The following HECW1 variants were observed in gnomAD, a reference collection of about 807,000 sequenced individuals.
HECW1 encodes E3 ubiquitin-protein ligase HECW1.
In HECW1, 61 loss-of-function variants were observed where a neutral mutation model predicts 182.3. The ratio of observed to expected loss-of-function variants is 0.33; its 90% confidence interval spans 0.27 to 0.41. HECW1 has a LOEUF of 0.41. Among genes scored for constraint, HECW1 ranks in the 10% least tolerant of loss-of-function variants. The pLI is 1.00. For synonymous variants in HECW1, 859 were observed against 832.6 expected (o/e 1.03, Z -0.55); for missense variants, 1,739 against 2,108.9 (o/e 0.82, Z 3.44).
At chr7:43,181,829 C>T (rs6943501) in intron 2 of HECW1, among the ~76,000 whole-genome samples, 37,489 of 150,148 alleles carry the variant, frequency 0.25, 5,664 homozygotes, top group African/African-American at 0.28. Context: ...ACTCTGTCGC[C>T]CAGGCTGGAG....
At chr7:43,468,899 G>A (rs376564881) in intron 15 of HECW1, 21 bp from the exon 16 acceptor site, 279 of 1,612,818 alleles carry the variant, frequency 1.7e-4, no homozygotes, top group African/African-American at 6.5e-4. Flanking sequence ...TCCTTACCCC[G>A]TCCGCCCTGA....
chr7:43,421,908 T>C (rs1369924288), intron 8 of HECW1, among the ~76,000 whole-genome samples: 5 of 152,210 alleles, frequency 3.3e-5, no homozygotes, highest in Non-Finnish European at 7.3e-5. Context: ...TGGACCAGCC[T>C]GAGGCATGAA....
intron 17 of HECW1, among the ~76,000 whole-genome samples, chr7:43,489,138 G>A (rs372722268): frequency 1.1e-4 from 16 of 152,178 alleles, no homozygotes; most frequent in East Asian, 5.8e-4. Context: ...AATGTTTCCT[G>A]AGTCCAGTGC....
intron 2 of HECW1, among the ~76,000 whole-genome samples, chr7:43,232,940 A>G (rs548517820): frequency 6.6e-6 from 1 of 152,258 alleles, no homozygotes; most frequent in East Asian, 1.9e-4. Flanking sequence ...CATGACACTC[A>G]TGCTTTTTAA....
intron 26 of HECW1, among the ~76,000 whole-genome samples, chr7:43,547,278 G>A (rs2081600905): frequency 6.6e-6 from 1 of 152,102 alleles, no homozygotes; most frequent in Admixed American, 6.6e-5. Flanking sequence ...GCCAGGCATG[G>A]TGGCTCATGC....
At chr7:43,221,710 C>A (rs531648983) in intron 2 of HECW1, among the ~76,000 whole-genome samples, 37 of 151,696 alleles carry the variant, frequency 2.4e-4, no homozygotes, top group African/African-American at 8.9e-4. Context: ...CCCACCACCA[C>A]GCCCGGCTAA....
chr7:43,144,031 T>C (rs980421917), intron 2 of HECW1, among the ~76,000 whole-genome samples: 1 of 152,226 alleles, frequency 6.6e-6, no homozygotes, highest in African/African-American at 2.4e-5. Context: ...AAGTCTGGCA[T>C]GTTCCAGGAT....
At position 43,320,885 on chromosome 7, in the gene HECW1, A is replaced by C. The variant is rs1810027896; in HGVS notation, c.460+143A>C. 5.8e-6 allele frequency: 4 copies of C among 683,948 alleles called. No individual in the cohort carries two copies. In the Admixed American group the frequency reaches 9.3e-5, roughly 16 times the overall value. The allele number at this position is 683,948 out of a possible 1,614,324, so 42.4% of individuals were successfully genotyped here. A position where few individuals can be genotyped will look rare whatever the true frequency, so the allele number is the denominator to read the frequency against. ...GTGTAGATTTAAAGAGATCCTTAAAAAGATGTTCAGTAGTAAGTGGTGAGG... is the reference window on the plus strand; with the variant it reads ...GTGTAGATTTAAAGAGATCCTTAAACAGATGTTCAGTAGTAAGTGGTGAGG... On this transcript the variant is annotated intron_variant, in intron 5 of 29. Transcript: ENST00000395891.
Position 43,492,200 on chromosome 7 carries a change from G to C in HECW1, c.3340+20G>C, listed in dbSNP as rs1342248051. 6.5e-7 allele frequency: 1 copy of C among 1,540,876 alleles called. No homozygotes were observed. Among genetic ancestry groups the C allele is most frequent in the South Asian group, 1.2e-5 (1 of 83,538 alleles). The stretch of plus-strand genomic sequence containing the variant: ...CACTGGGTATGTATCATGCTTGTTT[G>C]AGCCCCTGGCTCAAAGAATAGCAAC... On this transcript the variant is annotated intron_variant, in intron 18 of 29. Coordinates refer to ENST00000395891, the MANE Select transcript of HECW1 (RefSeq NM_015052.5).
chr7:43,375,083 T>C (rs1450325393), intron 6 of HECW1, among the ~76,000 whole-genome samples: 1 of 152,226 alleles, frequency 6.6e-6, no homozygotes, highest in Non-Finnish European at 1.5e-5. Flanking sequence ...GTTAAGAACA[T>C]TGTGAAATTT....
intron 5 of HECW1, among the ~76,000 whole-genome samples, chr7:43,330,972 T>TTTAC (rs1233290970): frequency 6.8e-6 from 1 of 147,920 alleles, no homozygotes; most frequent in Non-Finnish European, 1.5e-5. Flanking sequence ...CTTTTATTTA[T>TTTAC]TTATTTATTT....
At chr7:43,479,891 T>C in intron 17 of HECW1, 147 bp downstream of exon 17, 1 of 939,154 alleles carries the variant, frequency 1.1e-6, no homozygotes, top group South Asian at 1.7e-5. Context: ...TGTAGAAGAA[T>C]GATGACCGGG....
intron 2 of HECW1, among the ~76,000 whole-genome samples, chr7:43,206,814 A>G (rs1329059776): frequency 6.6e-6 from 1 of 152,232 alleles, no homozygotes; most frequent in Non-Finnish European, 1.5e-5. Context: ...TTCTAGATTC[A>G]GTATTCTTTG....
intron 3 of HECW1, among the ~76,000 whole-genome samples, chr7:43,264,549 A>G (rs185214542): frequency 7.2e-5 from 11 of 152,282 alleles, no homozygotes; most frequent in African/African-American, 2.6e-4. Flanking sequence ...TTTGTAAAAA[A>G]TAATTACTAT....
rs558668903 is a variant in HECW1, at chr7:43,318,511, G to A, written c.353-2124G>A. 2.6e-5 allele frequency among the ~76,000 whole-genome samples: 4 copies of A among 152,292 alleles called. No homozygotes were observed. The South Asian group carries it at 8.3e-4, about 32-fold the overall frequency. On this transcript the variant is annotated intron_variant, in intron 4 of 29. Coordinates refer to ENST00000395891, the MANE Select transcript of HECW1 (RefSeq NM_015052.5). ...CCAGTCATTTTTTTGCCAGAGAAGG[G>A]GCAGCCTAAAATGTGCAATCCACAT...
rs767895933 is a variant in HECW1 at position 43,501,229 on chromosome 7, A to C, written c.3538A>C (p.Ile1180Leu). 2 of 1,444,824 alleles carry C rather than the reference A, an allele frequency of 1.4e-6. No individual in the cohort carries two copies. The highest frequency in any genetic ancestry group is 9.6e-7 in the Non-Finnish European group (1 of 1,045,206). 89.5% of individuals were successfully genotyped at this position (1,444,824 alleles called of 1,614,324 possible). A position where few individuals can be genotyped will look rare whatever the true frequency, so the allele number is the denominator to read the frequency against. Residue 1180 changes from isoleucine to leucine, a missense_variant, in exon 21 of 30, where the codon ATT (isoleucine) becomes CTT (leucine). Physicochemically the swap from Ile to Leu is conservative, Grantham distance 5 (BLOSUM62 2). This residue lies in a region of HECW1 where 420 missense variants were observed against 595.7 expected (regional missense o/e 0.71). Coordinates refer to ENST00000395891, the MANE Select transcript of HECW1 (RefSeq NM_015052.5). ...CATATGCAGTCTCTTTGAAGAAGAG[A>C]TTATGTCCTACGTCCCCCTGCAGGC... The part of the protein sequence containing the change: ...VILLSLFEEE[I>L]MSYVPLQAAF...
chr7:43,114,075 T>C (rs1784854854), intron 1 of HECW1, 82 bp from the exon 2 acceptor site: 2 of 431,454 alleles, frequency 4.6e-6, no homozygotes, highest in South Asian at 4.7e-5. Context: ...TTATTTGACG[T>C]TGCTGTAGTT....
rs138626173 is a variant in HECW1 at position 43,243,199 on chromosome 7, G to A, written c.-31-676G>A. 1.3e-5 allele frequency among the ~76,000 whole-genome samples: 2 copies of A among 152,242 alleles called. No individual in the cohort carries two copies. The highest frequency in any genetic ancestry group is 3.9e-4 in the East Asian group (2 of 5,172). ...ACCAAAACAATACCTGGATTAAGAG[G>A]GCCCTGACAGATGATGCCGTCAGCA... On this transcript the variant is annotated intron_variant, in intron 2 of 29. Coordinates refer to ENST00000395891, the MANE Select transcript of HECW1 (RefSeq NM_015052.5). This position sits in a 1 kb window ranked among gnomAD's most constrained non-coding sequence, Gnocchi z 4.0.
chr7:43,450,509 A>C (rs988487967), intron 11 of HECW1, among the ~76,000 whole-genome samples: 1 of 152,120 alleles, frequency 6.6e-6, no homozygotes, highest in South Asian at 2.1e-4. Flanking sequence ...AGGCTCTGCT[A>C]ATTTTCTCTT....
Sources: allele counts gnomAD v4.1 joint callset (sites outside exome capture counted in the v4.1 genomes callset), GRCh38; gene constraint gnomAD v4.1.1; regional missense constraint gnomAD v4.1.1; non-coding constraint Gnocchi (gnomAD v3.1); transcripts MANE v1.5; gene names NCBI Gene and HGNC (gene_info 2026-07-23, HGNC 2026-07-21).